SERPINB12: variants seen among roughly 807,000 people sequenced by gnomAD.
SERPINB12 encodes the protein serpin family B member 12.
A neutral mutation model predicts 41.1 loss-of-function variants in SERPINB12; 57 were observed. The observed-to-expected ratio is 1.39, with a 90% CI of 1.12 to 1.73. The LOEUF is 1.73. Among genes scored for constraint, SERPINB12 ranks in the 40% most tolerant of loss-of-function variants. SERPINB12 has a pLI of 0.00. For synonymous variants in SERPINB12, 180 were observed against 181.3 expected (o/e 0.99, Z 0.06); for missense variants, 536 against 501.9 (o/e 1.07, Z -0.65).
the SERPINB12 span, among the ~76,000 whole-genome samples, chr18:63,535,615 C>A: frequency 1.3e-5 from 2 of 152,124 alleles, no homozygotes; most frequent in Admixed American, 6.5e-5. Flanking sequence ...TGGGTTGGAT[C>A]CTGGACTGAG....
the SERPINB12 span, among the ~76,000 whole-genome samples, chr18:63,532,137 A>G: frequency 6.6e-6 from 1 of 152,164 alleles, no homozygotes; most frequent in African/African-American, 2.4e-5. Context: ...ATTTTCTACT[A>G]GGGAAGACTG....
chr18:63,539,698 G>A (rs969095382), upstream of SERPINB12, among the ~76,000 whole-genome samples: 1 of 152,040 alleles, frequency 6.6e-6, no homozygotes, highest in East Asian at 1.9e-4. Context: ...TGTCTAAAAT[G>A]AGTTATATTC....
upstream of SERPINB12, among the ~76,000 whole-genome samples, chr18:63,539,519 C>T (rs139295489): frequency 1.9e-3 from 292 of 152,112 alleles, 2 homozygotes; most frequent in African/African-American, 6.7e-3. Flanking sequence ...TCTTGGGTCT[C>T]GGTCAAGGAA....
upstream of SERPINB12, among the ~76,000 whole-genome samples, chr18:63,538,407 C>G (rs774683786): frequency 6.6e-6 from 1 of 152,058 alleles, no homozygotes; most frequent in African/African-American, 2.4e-5. Context: ...ATGGATTTGC[C>G]TATTCTGGAT....
chr18:63,523,214 C>A, the SERPINB12 span, among the ~76,000 whole-genome samples: 1 of 152,258 alleles, frequency 6.6e-6, no homozygotes, highest in East Asian at 1.9e-4. Context: ...AATAGTCATT[C>A]ATTTAAACAA....
At chr18:63,525,047 C>T in the SERPINB12 span, among the ~76,000 whole-genome samples, 129 of 152,250 alleles carry the variant, frequency 8.5e-4, no homozygotes, top group African/African-American at 2.9e-3. Flanking sequence ...CTGTGCCTGG[C>T]CCCCTTCCCA....
intron 2 of SERPINB12, among the ~76,000 whole-genome samples, chr18:63,557,218 C>T (rs1051513442): frequency 6.6e-6 from 1 of 152,110 alleles, no homozygotes; most frequent in African/African-American, 2.4e-5. Flanking sequence ...GGTCCCTTTG[C>T]CTGATGGCTC....
At chr18:63,563,646 C>T (rs917017898) in intron 5 of SERPINB12, among the ~76,000 whole-genome samples, 1 of 152,136 alleles carries the variant, frequency 6.6e-6, no homozygotes, top group African/African-American at 2.4e-5. Flanking sequence ...CCTGTAATCC[C>T]AGCACTTTGG....
the SERPINB12 span, among the ~76,000 whole-genome samples, chr18:63,521,910 G>A: frequency 6.6e-6 from 1 of 152,170 alleles, no homozygotes. Flanking sequence ...CTAGATATTG[G>A]AGGAAAGTAA....
intron 6 of SERPINB12, 43 bp from the exon 7 acceptor site, chr18:63,565,402 T>G: frequency 1.3e-6 from 2 of 1,567,834 alleles, no homozygotes; most frequent in Non-Finnish European, 1.7e-6. Context: ...AATTTGGGAG[T>G]TTCCCATAGC....
At chr18:63,528,965 A>G in the SERPINB12 span, among the ~76,000 whole-genome samples, 3 of 152,198 alleles carry the variant, frequency 2.0e-5, no homozygotes, top group Non-Finnish European at 4.4e-5. Context: ...TCATCAGGGT[A>G]GAAAAGGCAA....
chr18:63,558,236 A>T, intron 2 of SERPINB12, 116 bp from the exon 3 acceptor site: 1 of 1,208,904 alleles, frequency 8.3e-7, no homozygotes, highest in Non-Finnish European at 1.1e-6. Context: ...ACTGTTGTTG[A>T]TTGTTTTGTT....
intron 6 of SERPINB12, 107 bp from the exon 7 acceptor site, chr18:63,565,338 C>A: frequency 2.9e-6 from 3 of 1,041,292 alleles, no homozygotes; most frequent in Non-Finnish European, 2.8e-6. Flanking sequence ...ACTTCTCCTG[C>A]AGAACCTTCT....
At chr18:63,533,165 A>G in the SERPINB12 span, among the ~76,000 whole-genome samples, 3 of 152,014 alleles carry the variant, frequency 2.0e-5, no homozygotes, top group Non-Finnish European at 4.4e-5. Context: ...TTTAGTAGAG[A>G]CGGGGTTTCA....
In SERPINB12 at chr18:63,561,159, A is replaced by G. The variant is rs751787388; in HGVS notation, c.519A>G (p.Lys173=). The part of the protein sequence containing the change: ...ESVDFQKNPE[K]SRQEINFWVE... ...TTGATTTCCAAAAAAACCCTGAAAAATCCAGACAAGAGATTAACTTCTGGG... is the reference window on the plus strand; with the variant it reads ...TTGATTTCCAAAAAAACCCTGAAAAGTCCAGACAAGAGATTAACTTCTGGG... Residue 173 remains lysine, a synonymous_variant, in exon 5 of 8, where the codon AAA becomes AAG. Coordinates refer to ENST00000382768, the MANE Select transcript of SERPINB12 (RefSeq NM_001307928.2). The G allele has an allele frequency of 1.9e-6, 3 of 1,613,360 alleles. No homozygotes were observed. Among genetic ancestry groups the G allele is most frequent in the East Asian group, 4.5e-5 (2 of 44,872 alleles).
chr18:63,541,189 C>A (rs1239111945), upstream of SERPINB12, among the ~76,000 whole-genome samples: 1 of 152,152 alleles, frequency 6.6e-6, no homozygotes, highest in Non-Finnish European at 1.5e-5. Flanking sequence ...AACCCAATTT[C>A]ATGCTTGCAA....
At chr18:63,533,315 G>A in the SERPINB12 span, among the ~76,000 whole-genome samples, 2 of 152,162 alleles carry the variant, frequency 1.3e-5, no homozygotes, top group South Asian at 2.1e-4. Context: ...AAGTTCTGGT[G>A]GTTGGGAATG....
At chr18:63,534,626 G>A in the SERPINB12 span, among the ~76,000 whole-genome samples, 1 of 152,036 alleles carries the variant, frequency 6.6e-6, no homozygotes, top group African/African-American at 2.4e-5. Flanking sequence ...TTTTTTCCTG[G>A]TAGAAAGAAT....
chr18:63,537,356 A>G, the SERPINB12 span, among the ~76,000 whole-genome samples: 2 of 152,160 alleles, frequency 1.3e-5, no homozygotes, highest in African/African-American at 4.8e-5. Context: ...TGCACCTAGT[A>G]CACCTTGTGC....
Sources: allele counts gnomAD v4.1 joint callset (sites outside exome capture counted in the v4.1 genomes callset), GRCh38; gene constraint gnomAD v4.1.1; transcripts MANE v1.5; gene names NCBI Gene and HGNC (gene_info 2026-07-23, HGNC 2026-07-21).